Variants in NXPH1 observed in about 807,000 individuals in gnomAD.
NXPH1 encodes neurexophilin 1.
A neutral mutation model predicts 23.7 loss-of-function variants in NXPH1; 5 were observed. That is an observed-to-expected ratio of 0.21 (90% CI 0.11 to 0.44). NXPH1 has a LOEUF of 0.44. NXPH1 is among the 20% of genes least tolerant of loss of function. The probability of loss-of-function intolerance (pLI) is 0.99; values close to 1 mark genes in which losing one functional copy is unlikely to be tolerated. For missense variants in NXPH1, 324 were observed against 321.6 expected (o/e 1.01, Z -0.06); for synonymous variants, 144 against 122.2 (o/e 1.18, Z -1.18).
intron 2 of NXPH1, among the ~76,000 whole-genome samples, chr7:8,745,719 A>ATTTTTTTTTTTTTT (rs56019801): frequency 4.9e-4 from 55 of 111,802 alleles, no homozygotes; most frequent in Admixed American, 6.1e-4. Flanking sequence ...CGCCCAGCTA[A>ATTTTTTTTTTTTTT]TTTTTTTTTT....
chr7:8,729,171 G>T (rs949708497), intron 2 of NXPH1, among the ~76,000 whole-genome samples: 1 of 151,200 alleles, frequency 6.6e-6, no homozygotes, highest in African/African-American at 2.4e-5. Context: ...TATTTCTGTG[G>T]GATCGGTGGT....
chr7:8,441,983 G>T (rs2128604258), intron 2 of NXPH1, among the ~76,000 whole-genome samples: 1 of 152,210 alleles, frequency 6.6e-6, no homozygotes, highest in East Asian at 1.9e-4. Context: ...CTCTGTTGCC[G>T]AAAGTTCCTT....
chr7:8,485,718 A>T (rs1817147934), intron 2 of NXPH1, among the ~76,000 whole-genome samples: 1 of 152,192 alleles, frequency 6.6e-6, no homozygotes, highest in Non-Finnish European at 1.5e-5. Flanking sequence ...TATATTAAAA[A>T]ACAACTATTT....
At chr7:8,453,503 G>A (rs1347873154) in intron 2 of NXPH1, among the ~76,000 whole-genome samples, 1 of 152,028 alleles carries the variant, frequency 6.6e-6, no homozygotes, top group Non-Finnish European at 1.5e-5. Context: ...GAACAAATAC[G>A]CTCTTACTCA....
intron 2 of NXPH1, among the ~76,000 whole-genome samples, chr7:8,509,703 A>G (rs970805222): frequency 1.3e-5 from 2 of 152,020 alleles, no homozygotes; most frequent in East Asian, 1.9e-4. Flanking sequence ...TGACATGTCT[A>G]TTTGGTGTGA....
intron 2 of NXPH1, among the ~76,000 whole-genome samples, chr7:8,469,124 C>T (rs921405148): frequency 2.0e-5 from 3 of 151,792 alleles, no homozygotes; most frequent in African/African-American, 7.3e-5. Flanking sequence ...AAAAGGATGT[C>T]AATTTTCTTA....
At chr7:8,652,390 ATTTCT>A (rs1415186643) in intron 2 of NXPH1, among the ~76,000 whole-genome samples, 5 of 152,104 alleles carry the variant, frequency 3.3e-5, no homozygotes, top group African/African-American at 1.2e-4. Context: ...AGGTTTTATC[ATTTCT>A]TTTTATTCAT....
At chr7:8,740,601 C>A (rs1256187714) in intron 2 of NXPH1, among the ~76,000 whole-genome samples, 1 of 152,162 alleles carries the variant, frequency 6.6e-6, no homozygotes, top group Non-Finnish European at 1.5e-5. Flanking sequence ...TAAGAGAGAG[C>A]CATGAAGCTC....
chr7:8,618,637 G>C (rs1819797430), intron 2 of NXPH1, among the ~76,000 whole-genome samples: 1 of 152,098 alleles, frequency 6.6e-6, no homozygotes, highest in Non-Finnish European at 1.5e-5. Flanking sequence ...ACTAGGAGAA[G>C]AGGTGGAAAA....
chr7:8,642,393 T>G (rs1439290438), intron 2 of NXPH1, among the ~76,000 whole-genome samples: 3 of 152,246 alleles, frequency 2.0e-5, no homozygotes, highest in Non-Finnish European at 4.4e-5. Flanking sequence ...CTCAAAGCTT[T>G]TAAGACTTTC....
rs75229799 is a variant in NXPH1, at chr7:8,447,699, G to A, written c.54+11932G>A. ...TGAAAAGTGAATGATTTGCCCTGAGGTGTTTAATCCTGCCTTGCATTCTTG... is the reference window on the plus strand; with the variant it reads ...TGAAAAGTGAATGATTTGCCCTGAGATGTTTAATCCTGCCTTGCATTCTTG... On this transcript the variant is annotated intron_variant, in intron 2 of 2. Transcript: ENST00000405863. Among the ~76,000 whole-genome samples, 66 of 152,322 alleles carry A rather than the reference G, an allele frequency of 4.3e-4. 2 individuals carry two copies. The East Asian group carries it at 0.012, about 28-fold the overall frequency.
chr7:8,523,440 T>G (rs972620474), intron 2 of NXPH1, among the ~76,000 whole-genome samples: 2 of 152,238 alleles, frequency 1.3e-5, no homozygotes, highest in Non-Finnish European at 2.9e-5. Context: ...TAAATATGAC[T>G]GTACATTTGT....
chr7:8,536,101 G>A (rs1001312869), intron 2 of NXPH1, among the ~76,000 whole-genome samples: 7 of 151,824 alleles, frequency 4.6e-5, no homozygotes, highest in African/African-American at 1.7e-4. Context: ...GTTTATTATC[G>A]GTCTTCCCAC....
chr7:8,613,437 C>A (rs901903879), intron 2 of NXPH1, among the ~76,000 whole-genome samples: 1 of 151,872 alleles, frequency 6.6e-6, no homozygotes, highest in African/African-American at 2.4e-5. Context: ...ACAAATCATG[C>A]CAAACTAACT....
chr7:8,513,372 A>T (rs1817640025), intron 2 of NXPH1, among the ~76,000 whole-genome samples: 1 of 152,162 alleles, frequency 6.6e-6, no homozygotes, highest in Admixed American at 6.5e-5. Flanking sequence ...TTCTTAACTC[A>T]TGTGGCAACA....
intron 2 of NXPH1, among the ~76,000 whole-genome samples, chr7:8,542,302 A>G (rs1040381889): frequency 1.8e-4 from 27 of 151,618 alleles, no homozygotes; most frequent in Non-Finnish European, 3.4e-4. Flanking sequence ...ATAAGCATTT[A>G]TGTATCTAAT....
chr7:8,474,581 G>C (rs1336114523), intron 2 of NXPH1, among the ~76,000 whole-genome samples: 1 of 152,092 alleles, frequency 6.6e-6, no homozygotes, highest in Non-Finnish European at 1.5e-5. Flanking sequence ...AAAACAGGTT[G>C]ATGCTCTGCA....
chr7:8,443,724 G>T (rs1816347363), intron 2 of NXPH1, among the ~76,000 whole-genome samples: 1 of 151,970 alleles, frequency 6.6e-6, no homozygotes, highest in Non-Finnish European at 1.5e-5. Context: ...ACGAATGGGG[G>T]ATGCAGCCTC....
At chr7:8,564,437 A>G (rs746437484) in intron 2 of NXPH1, among the ~76,000 whole-genome samples, 2 of 151,710 alleles carry the variant, frequency 1.3e-5, no homozygotes, top group African/African-American at 2.4e-5. Flanking sequence ...GCTCTTCCCA[A>G]CTGCTGCCAG....
Sources: allele counts gnomAD v4.1 joint callset (sites outside exome capture counted in the v4.1 genomes callset), GRCh38; gene constraint gnomAD v4.1.1; transcripts MANE v1.5; gene names NCBI Gene and HGNC (gene_info 2026-07-23, HGNC 2026-07-21).